The following SIRPA variants were observed in gnomAD, a reference collection of about 807,000 sequenced individuals.
The protein encoded by SIRPA is signal regulatory protein alpha, also known as tyrosine-protein phosphatase non-receptor type substrate 1.
A neutral mutation model predicts 50.3 loss-of-function variants in SIRPA; 9 were observed. That is an observed-to-expected ratio of 0.18 (90% CI 0.11 to 0.31). The LOEUF is 0.31. Ranked by LOEUF, SIRPA falls within the 10% of genes least tolerant of loss-of-function variation. The pLI, the probability that SIRPA is intolerant of heterozygous loss-of-function variation, is 1.00. For missense variants in SIRPA, 474 were observed against 661.6 expected (o/e 0.72, Z 3.11); for synonymous variants, 265 against 284.1 (o/e 0.93, Z 0.68).
intron 1 of SIRPA, among the ~76,000 whole-genome samples, chr20:1,910,085 G>A (rs535108353): frequency 9.2e-5 from 14 of 152,270 alleles, no homozygotes; most frequent in African/African-American, 3.1e-4. Flanking sequence ...GCCCAGGGGG[G>A]TTAGGTACAT....
At position 1,927,762 on chromosome 20, in the gene SIRPA, T is replaced by C. The variant is rs968899252; in HGVS notation, c.1202-113T>C. On this transcript the variant is annotated intron_variant, in intron 5 of 7. Transcript: ENST00000358771. This position sits in a 1 kb window ranked among gnomAD's most constrained non-coding sequence, Gnocchi z 6.5. ...GTCTCCTGTGGTTCCAAGGATGTGA[T>C]TACAGCATTTCCTCTCCATGTCCCT... 2 of 922,496 alleles carry C rather than the reference T, an allele frequency of 2.2e-6. No homozygotes were observed. Among genetic ancestry groups the C allele is most frequent in the Admixed American group, 1.7e-5 (1 of 58,640 alleles). 57.1% of individuals were successfully genotyped at this position (922,496 alleles called of 1,614,324 possible).
intron 3 of SIRPA, 93 bp downstream of exon 3, chr20:1,921,805 G>T: frequency 7.4e-7 from 1 of 1,344,028 alleles, no homozygotes; most frequent in Non-Finnish European, 1.0e-6. Flanking sequence ...TTGCTCCAGG[G>T]CTTGAAATGC....
rs566239881 is a variant in SIRPA at position 1,909,913 on chromosome 20, T to G, written c.80-5186T>G. ...AAATATATTTTCTAAATCCCAGTGG[T>G]CAGTTCTCAGCCCCCATCTTATTGC... On this transcript the variant is annotated intron_variant, in intron 1 of 7. Transcript: ENST00000358771. Among the ~76,000 whole-genome samples the G allele has an allele frequency of 8.5e-5, 13 of 152,334 alleles. No homozygotes were observed. The South Asian group carries it at 2.1e-3, about 24-fold the overall frequency.
chr20:1,906,405 C>T (rs1315578048), intron 1 of SIRPA, among the ~76,000 whole-genome samples: 8 of 152,112 alleles, frequency 5.3e-5, no homozygotes, highest in Admixed American at 3.9e-4. Flanking sequence ...GATGACATAT[C>T]GAACAATGAA....
chr20:1,937,415 C>G lies in SIRPA; in HGVS notation c.1362C>G (p.Ala454=). The G allele has an allele frequency of 1.2e-6, 2 of 1,614,098 alleles. No homozygotes were observed. The highest frequency in any genetic ancestry group is 1.7e-6 in the Non-Finnish European group (2 of 1,180,002). Residue 454 remains alanine (A), a synonymous_variant, in exon 8 of 8, where the codon GCC becomes GCG. Transcript: ENST00000358771. This position sits in a 1 kb window ranked among gnomAD's most constrained non-coding sequence, Gnocchi z 8.3. ...AGCCCAACAACCACACGGAGTATGC[C>G]AGCATTCAGACCAGCCCGCAGCCCG... ...AAEPNNHTEY[A]SIQTSPQPAS... is the part of the protein sequence containing the mutation.
In SIRPA at chr20:1,927,809, A is replaced by T. The variant is rs1986070981; in HGVS notation, c.1202-66A>T. 1 of 1,522,252 alleles carries T rather than the reference A, an allele frequency of 6.6e-7. No homozygotes were observed. The highest frequency in any genetic ancestry group is 2.2e-5 in the East Asian group (1 of 44,466). 94.3% of individuals were successfully genotyped at this position (1,522,252 alleles called of 1,614,324 possible). A position where few individuals can be genotyped will look rare whatever the true frequency, so the allele number is the denominator to read the frequency against. ...CCCTGGAGGCAAACCTTTTGCCAAA[A>T]AATAGTTACATAAGAAAAGTGTGCT... On this transcript the variant is annotated intron_variant, in intron 5 of 7. Coordinates refer to ENST00000358771, the MANE Select transcript of SIRPA (RefSeq NM_001040023.2). This position sits in a 1 kb window ranked among gnomAD's most constrained non-coding sequence, Gnocchi z 6.5.
intron 4 of SIRPA, among the ~76,000 whole-genome samples, chr20:1,923,073 T>G (rs1328268137): frequency 6.6e-6 from 1 of 152,204 alleles, no homozygotes; most frequent in African/African-American, 2.4e-5. Context: ...TTCAGGGTGT[T>G]TGCAGCTTGT....
intron 2 of SIRPA, among the ~76,000 whole-genome samples, chr20:1,915,715 C>T (rs1271267418): frequency 2.6e-5 from 4 of 152,202 alleles, no homozygotes. Context: ...CAAAGCTGAC[C>T]CAGCCCTTTC....
chr20:1,899,024 T>A (rs1292681694), intron 1 of SIRPA, among the ~76,000 whole-genome samples: 1 of 152,034 alleles, frequency 6.6e-6, no homozygotes. Context: ...CCACACGCGC[T>A]CGCTTGCTGC....
At position 1,922,193 on chromosome 20, in the gene SIRPA, G is replaced by C. The variant is rs1568506490; in HGVS notation, c.755-120G>C. Reference sequence around the variant, plus strand: ...GAGCACCCTCAATGTCTGAGCACCTGATGCCTGCCTAGCTCTGTCCTGGTG... The same window carrying C: ...GAGCACCCTCAATGTCTGAGCACCTCATGCCTGCCTAGCTCTGTCCTGGTG... On this transcript the variant is annotated intron_variant, in intron 3 of 7. Transcript: ENST00000358771. 1.8e-5 allele frequency: 23 copies of C among 1,250,998 alleles called. 1 individual carries two copies. The allele number at this position is 1,250,998 out of a possible 1,614,324, so 77.5% of individuals were successfully genotyped here. A position where few individuals can be genotyped will look rare whatever the true frequency, so the allele number is the denominator to read the frequency against.
intron 1 of SIRPA, among the ~76,000 whole-genome samples, chr20:1,904,725 C>G (rs1346438118): frequency 6.6e-6 from 1 of 152,158 alleles, no homozygotes; most frequent in African/African-American, 2.4e-5. Flanking sequence ...ACCTGGAACC[C>G]ACTCCTCTGC....
chr20:1,903,028 A>AAAAAAAAAAG (rs1984325731), intron 1 of SIRPA, among the ~76,000 whole-genome samples: 1 of 119,334 alleles, frequency 8.4e-6, no homozygotes, highest in African/African-American at 3.6e-5. Flanking sequence ...AAAAAAAAAA[A>AAAAAAAAAAG]AAAAGAAAAG....
intron 1 of SIRPA, among the ~76,000 whole-genome samples, chr20:1,903,100 T>C (rs1984335121): frequency 6.7e-6 from 1 of 150,268 alleles, no homozygotes; most frequent in Admixed American, 6.6e-5. Flanking sequence ...GTGGGAGGAA[T>C]GGCAGATGCA....
intron 5 of SIRPA, among the ~76,000 whole-genome samples, chr20:1,926,830 C>T (rs1049650212): frequency 6.6e-6 from 1 of 152,166 alleles, no homozygotes; most frequent in Non-Finnish European, 1.5e-5. Flanking sequence ...AACTAGACCC[C>T]CCTTCTCCCT....
Position 1,928,219 on chromosome 20 carries a change from G to A in SIRPA, c.1226+320G>A, listed in dbSNP as rs565929455. ...TCACAGACATCCTGCACACGCCACC[G>A]GATGCATCCTCCCAGATCCAAGTTG... On this transcript the variant is annotated intron_variant, in intron 6 of 7. Transcript: ENST00000358771. The surrounding 1 kb of genome is among the most constrained non-coding windows in gnomAD (Gnocchi z 4.9). Among the ~76,000 whole-genome samples the A allele has an allele frequency of 9.9e-5, 15 of 152,226 alleles. No individual in the cohort carries two copies. Among genetic ancestry groups the A allele is most frequent in the East Asian group, 5.8e-4 (3 of 5,180 alleles).
chr20:1,937,434 C>T lies in SIRPA; in HGVS notation c.1381C>T (p.Gln461Ter). The change falls in exon 8 of 8, where the codon CAG (glutamine) becomes TAG (stop). Residue 461 changes from glutamine (Q) to a stop codon, truncating the protein, a stop_gained. Coordinates refer to ENST00000358771, the MANE Select transcript of SIRPA (RefSeq NM_001040023.2). LOFTEE classifies it high-confidence loss of function. The surrounding 1 kb of genome is among the most constrained non-coding windows in gnomAD (Gnocchi z 8.3). ...GTATGCCAGCATTCAGACCAGCCCGCAGCCCGCGTCGGAGGACACCCTCAC... is the reference window on the plus strand; with the variant it reads ...GTATGCCAGCATTCAGACCAGCCCGTAGCCCGCGTCGGAGGACACCCTCAC... ...TEYASIQTSP[Q>*]PASEDTLTYA... is the part of the protein sequence containing the mutation. The T allele has an allele frequency of 6.2e-7, 1 of 1,614,146 alleles. No individual in the cohort carries two copies. Among genetic ancestry groups the T allele is most frequent in the Non-Finnish European group, 8.5e-7 (1 of 1,180,014 alleles).
intron 1 of SIRPA, among the ~76,000 whole-genome samples, chr20:1,895,929 C>G (rs1250410387): frequency 6.6e-6 from 1 of 152,188 alleles, no homozygotes; most frequent in Non-Finnish European, 1.5e-5. Context: ...TGTTTGACTT[C>G]AGGGTGTGAG....
chr20:1,894,454 G>C (rs1423120141), upstream of SIRPA: 1 of 152,180 alleles, frequency 6.6e-6, no homozygotes, highest in Non-Finnish European at 1.5e-5. This position sits in a 1 kb window ranked among gnomAD's most constrained non-coding sequence, Gnocchi z 4.0. Flanking sequence ...GTGGAGCGGG[G>C]ACCCGGCCTC....
At chr20:1,918,074 C>G (rs1782703962) in intron 2 of SIRPA, among the ~76,000 whole-genome samples, 1 of 152,196 alleles carries the variant, frequency 6.6e-6, no homozygotes, top group African/African-American at 2.4e-5. Flanking sequence ...CCTCAGTTTC[C>G]TCATCTGTAG....
Sources: allele counts gnomAD v4.1 joint callset (sites outside exome capture counted in the v4.1 genomes callset), GRCh38; gene constraint gnomAD v4.1.1; non-coding constraint Gnocchi (gnomAD v3.1); transcripts MANE v1.5; gene names NCBI Gene and HGNC (gene_info 2026-07-23, HGNC 2026-07-21).